CDKAL1: variants seen among roughly 807,000 people sequenced by gnomAD.
CDKAL1 encodes the protein threonylcarbamoyladenosine tRNA methylthiotransferase.
Under a neutral mutation model 68.2 loss-of-function variants are expected in CDKAL1, and 32 were observed. The ratio of observed to expected loss-of-function variants is 0.47; its 90% confidence interval spans 0.35 to 0.63. The LOEUF is 0.63. Ranked by LOEUF, CDKAL1 falls within the 30% of genes least tolerant of loss-of-function variation. The pLI is 0.00. For synonymous variants in CDKAL1, 234 were observed against 244.3 expected (o/e 0.96, Z 0.39); for missense variants, 606 against 696.7 (o/e 0.87, Z 1.47).
chr6:21,137,708 A>T (rs1369439699), intron 13 of CDKAL1, among the ~76,000 whole-genome samples: 1 of 152,196 alleles, frequency 6.6e-6, no homozygotes, highest in Non-Finnish European at 1.5e-5. Flanking sequence ...TTGTTTTCAG[A>T]TGGCAGAAAC....
chr6:20,742,261 G>C (rs1773491005), intron 6 of CDKAL1, among the ~76,000 whole-genome samples: 1 of 152,128 alleles, frequency 6.6e-6, no homozygotes, highest in Non-Finnish European at 1.5e-5. Context: ...TCTGTACATT[G>C]TCTGTTTACT....
chr6:21,096,625 T>C (rs1445740718), intron 12 of CDKAL1, among the ~76,000 whole-genome samples: 1 of 152,236 alleles, frequency 6.6e-6, no homozygotes, highest in African/African-American at 2.4e-5. Context: ...TTTTTAACTT[T>C]TTGTTTAATT....
At chr6:20,779,242 T>C (rs1775309880) in intron 7 of CDKAL1, among the ~76,000 whole-genome samples, 1 of 152,216 alleles carries the variant, frequency 6.6e-6, no homozygotes, top group Non-Finnish European at 1.5e-5. Flanking sequence ...TCTTAAAATG[T>C]TAAACATAAA....
chr6:20,844,526 A>G (rs560891187), intron 8 of CDKAL1, among the ~76,000 whole-genome samples: 19 of 151,942 alleles, frequency 1.3e-4, no homozygotes, highest in African/African-American at 4.6e-4. Context: ...GGGAAACCCA[A>G]CTCTGAAAGG....
At chr6:20,812,235 G>C (rs1776851158) in intron 8 of CDKAL1, among the ~76,000 whole-genome samples, 1 of 152,104 alleles carries the variant, frequency 6.6e-6, no homozygotes, top group African/African-American at 2.4e-5. Context: ...ATTCTGCAAA[G>C]GTAATTGTTA....
At chr6:21,117,227 A>G (rs967912744) in intron 13 of CDKAL1, among the ~76,000 whole-genome samples, 3 of 152,068 alleles carry the variant, frequency 2.0e-5, no homozygotes, top group African/African-American at 7.2e-5. Context: ...GTCCTGTTAC[A>G]TGCCAGAGTT....
At position 21,169,603 on chromosome 6, in the gene CDKAL1, C is replaced by T. The variant is rs1025840165; in HGVS notation, c.1300-28418C>T. On this transcript the variant is annotated intron_variant, in intron 13 of 15. Coordinates refer to ENST00000274695, the MANE Select transcript of CDKAL1 (RefSeq NM_017774.3). ...ATGAGCTGAGATCGCACCACTACAC[C>T]CCAGCCTTGGGTGACAGAGCGAGAC... Among the ~76,000 whole-genome samples, 16 of 152,118 alleles carry T rather than the reference C, an allele frequency of 1.1e-4. 1 individual carries two copies. Among genetic ancestry groups the T allele is most frequent in the Non-Finnish European group, 2.2e-4 (15 of 68,016 alleles).
At chr6:20,551,502 G>A (rs1763825523) in intron 4 of CDKAL1, among the ~76,000 whole-genome samples, 2 of 151,742 alleles carry the variant, frequency 1.3e-5, no homozygotes, top group South Asian at 2.1e-4. Context: ...CGAGTAGCTG[G>A]GACTACAGGT....
chr6:20,755,399 G>A (rs1454814637), intron 6 of CDKAL1, among the ~76,000 whole-genome samples: 1 of 152,010 alleles, frequency 6.6e-6, no homozygotes, highest in Non-Finnish European at 1.5e-5. Flanking sequence ...CTGTACTCTG[G>A]TTATAACTTT....
At chr6:20,884,921 G>GT (rs1282346454) in intron 9 of CDKAL1, among the ~76,000 whole-genome samples, 1 of 151,756 alleles carries the variant, frequency 6.6e-6, no homozygotes, top group African/African-American at 2.4e-5. Flanking sequence ...GAGCCTGAAA[G>GT]TTTGAGACCA....
At chr6:21,121,944 G>T (rs1774742270) in intron 13 of CDKAL1, among the ~76,000 whole-genome samples, 1 of 152,134 alleles carries the variant, frequency 6.6e-6, no homozygotes, top group Non-Finnish European at 1.5e-5. Context: ...GGGTTACGTG[G>T]TCTTTACCTG....
At chr6:20,685,077 A>C (rs2127796506) in intron 5 of CDKAL1, among the ~76,000 whole-genome samples, 1 of 152,216 alleles carries the variant, frequency 6.6e-6, no homozygotes, top group East Asian at 1.9e-4. Flanking sequence ...AGTCATTGTC[A>C]AACCTAAGGG....
At chr6:21,217,240 C>A (rs1251869368) in intron 15 of CDKAL1, among the ~76,000 whole-genome samples, 5 of 151,112 alleles carry the variant, frequency 3.3e-5, no homozygotes, top group African/African-American at 1.2e-4. Flanking sequence ...AAGTCTTTTG[C>A]CCATTTTCTT....
chr6:20,805,991 CTT>C (rs1561792942), intron 8 of CDKAL1, among the ~76,000 whole-genome samples: 1 of 152,008 alleles, frequency 6.6e-6, no homozygotes, highest in Non-Finnish European at 1.5e-5. Flanking sequence ...GGGTCTTATT[CTT>C]TTTTAATTTT....
chr6:20,574,943 C>A (rs1642747277), intron 4 of CDKAL1, among the ~76,000 whole-genome samples: 1 of 151,980 alleles, frequency 6.6e-6, no homozygotes, highest in Non-Finnish European at 1.5e-5. Context: ...GTGAGTTTTT[C>A]TTGGGAAAAT....
intron 4 of CDKAL1, among the ~76,000 whole-genome samples, chr6:20,631,398 C>G (rs1274414393): frequency 2.0e-5 from 3 of 152,154 alleles, no homozygotes; most frequent in African/African-American, 7.2e-5. Context: ...ACACTCTTCT[C>G]CCCTGACCTG....
rs751558817 is a variant in CDKAL1 at position 21,201,185 on chromosome 6, A to G, written c.1459A>G (p.Met487Val). The G allele has an allele frequency of 7.4e-6, 12 of 1,613,986 alleles. No homozygotes were observed. The highest frequency in any genetic ancestry group is 1.0e-5 in the Non-Finnish European group (12 of 1,179,952). The part of the protein sequence containing the change: ...VDIYESGKHF[M>V]KGQPVSDAKV... ...CATCTATGAATCAGGCAAACATTTT[A>G]TGAAAGGGCAGCCAGTATCTGATGC... Residue 487 changes from methionine to valine, a missense_variant, in exon 15 of 16, where the codon ATG becomes GTG. Transcript: ENST00000274695.
chr6:20,952,034 C>G (rs1243591044), intron 9 of CDKAL1, among the ~76,000 whole-genome samples: 1 of 146,110 alleles, frequency 6.8e-6, no homozygotes, highest in African/African-American at 2.5e-5. Context: ...TCTCGGCTCA[C>G]TGTAAGCTCC....
intron 9 of CDKAL1, among the ~76,000 whole-genome samples, chr6:20,940,234 G>C (rs2150694283): frequency 6.6e-6 from 1 of 152,146 alleles, no homozygotes; most frequent in South Asian, 2.1e-4. Context: ...CATAAATGAA[G>C]CACAAAATCT....
Sources: allele counts gnomAD v4.1 joint callset (sites outside exome capture counted in the v4.1 genomes callset), GRCh38; gene constraint gnomAD v4.1.1; transcripts MANE v1.5; gene names NCBI Gene and HGNC (gene_info 2026-07-23, HGNC 2026-07-21).